Variants in RIBC2 observed in about 807,000 individuals in gnomAD.
The protein encoded by RIBC2 is RIB43A-like with coiled-coils protein 2.
A neutral mutation model predicts 44.3 loss-of-function variants in RIBC2; 40 were observed. The ratio of observed to expected loss-of-function variants is 0.90; its 90% confidence interval spans 0.70 to 1.18. The LOEUF (loss-of-function observed/expected upper bound fraction) is 1.18, where lower values mean the gene tolerates loss of function less well. Among genes scored for constraint, RIBC2 ranks in the 50% most tolerant of loss-of-function variants. The pLI, the probability that RIBC2 is intolerant of heterozygous loss-of-function variation, is 0.00. For synonymous variants in RIBC2, 171 were observed against 175.0 expected (o/e 0.98, Z 0.18); for missense variants, 459 against 485.5 (o/e 0.95, Z 0.51).
chr22:45,422,177 C>G (rs571061997), intron 3 of RIBC2, 113 bp from the exon 4 acceptor site: 1 of 739,390 alleles, frequency 1.4e-6, no homozygotes, highest in Non-Finnish European at 2.4e-6. Flanking sequence ...ATTATTGTTC[C>G]CGTCCTCATG....
In RIBC2 at chr22:45,422,331, G is replaced by C. The variant is rs2087493872; in HGVS notation, c.598G>C (p.Ala200Pro). 1 of 1,614,094 alleles carries C rather than the reference G, an allele frequency of 6.2e-7. No individual in the cohort carries two copies. The highest frequency in any genetic ancestry group is 1.3e-5 in the African/African-American group (1 of 74,934). Residue 200 changes from alanine (A) to proline (P), a missense_variant, in exon 4 of 7, where the codon GCC (alanine) becomes CCC (proline). Coordinates refer to ENST00000614167, the MANE Select transcript of RIBC2 (RefSeq NM_015653.5). ...GACAAGGCTGCAGTTTGACGAGACA[G>C]CCAAGCACCTCCAGAAGCTGGAAAG... ...TETRLQFDET[A>P]KHLQKLESTT... is the part of the protein sequence containing the mutation.
At position 45,421,545 on chromosome 22, in the gene RIBC2, TAATAATAATAATA is replaced by T. The variant is rs1569208883; in HGVS notation, c.557-744_557-732del. On this transcript the variant is annotated intron_variant, in intron 3 of 6. Transcript: ENST00000614167. The stretch of plus-strand genomic sequence containing the variant: ...ATAATAATAGTATTATTAATAATAT[TAATAATAATAATA>T]GTATTATTAATAATAGTATTATTAA... 9.7e-5 allele frequency among the ~76,000 whole-genome samples: 11 copies of T among 113,744 alleles called. No homozygotes were observed. The East Asian group carries it at 2.5e-3, about 26-fold the overall frequency. The allele number at this position is 113,744 out of a possible 152,430, so 74.6% of individuals were successfully genotyped here. A position where few individuals can be genotyped will look rare whatever the true frequency, so the allele number is the denominator to read the frequency against.
At chr22:45,421,577 TTATTAATAATAATAATAG>T (rs780823415) in intron 3 of RIBC2, among the ~76,000 whole-genome samples, 80,602 of 141,290 alleles carry the variant, frequency 0.57, 24,528 homozygotes, top group African/African-American at 0.76. Context: ...AATAATAGTA[TTATTAATAATAATAATAG>T]TATTATTAAT....
chr22:45,426,077 G>C lies in RIBC2; in HGVS notation c.805G>C (p.Gly269Arg). 1 of 1,613,920 alleles carries C rather than the reference G, an allele frequency of 6.2e-7. No individual in the cohort carries two copies. Among genetic ancestry groups the C allele is most frequent in the Non-Finnish European group, 8.5e-7 (1 of 1,179,968 alleles). The stretch of plus-strand genomic sequence containing the variant: ...CCCGCAGCAGGCAGCCAGCTCCTTC[G>C]GGCCCCACCGCGTGGTCCCTGACCG... ...ENPQQAASSFGPHRVVPDRWK... is the reference protein window; with the variant it reads ...ENPQQAASSFRPHRVVPDRWK... The change falls in exon 5 of 7, where the codon GGG (glycine) becomes CGG (arginine). Residue 269 changes from glycine to arginine, a missense_variant. By Grantham distance (125) the Gly-to-Arg change is moderately radical. Transcript: ENST00000614167.
intron 3 of RIBC2, among the ~76,000 whole-genome samples, chr22:45,421,320 TTAA>T (rs1052354805): frequency 2.4e-5 from 2 of 82,852 alleles, no homozygotes; most frequent in Non-Finnish European, 4.0e-5. Context: ...ATTATTATTA[TTAA>T]TACTATTATT....
rs145976708 is a variant in RIBC2 at position 45,422,350 on chromosome 22, T to A, written c.617T>A (p.Leu206Gln). The A allele has an allele frequency of 3.0e-4, 478 of 1,614,154 alleles. 1 individual carries two copies. In the African/African-American group the frequency reaches 5.5e-3, roughly 19 times the overall value. Residue 206 changes from leucine (L) to glutamine (Q), a missense_variant, in exon 4 of 7, where the codon CTG (leucine) becomes CAG (glutamine). Coordinates refer to ENST00000614167, the MANE Select transcript of RIBC2 (RefSeq NM_015653.5). Reference protein sequence around the residue: ...FDETAKHLQKLESTTRKAVCA... With the variant: ...FDETAKHLQKQESTTRKAVCA... The stretch of plus-strand genomic sequence containing the variant: ...GAGACAGCCAAGCACCTCCAGAAGC[T>A]GGAAAGCACCACCAGAAAGGCAGTT...
chr22:45,419,085 C>G (rs2087453136), intron 3 of RIBC2, among the ~76,000 whole-genome samples: 1 of 152,192 alleles, frequency 6.6e-6, no homozygotes, highest in East Asian at 1.9e-4. Context: ...TTGTTCACAC[C>G]AGTGCTCTCC....
intron 3 of RIBC2, among the ~76,000 whole-genome samples, chr22:45,421,079 C>T (rs1004866672): frequency 5.9e-5 from 9 of 151,834 alleles, no homozygotes; most frequent in East Asian, 1.9e-4. Flanking sequence ...GGGCAAATCA[C>T]GAGGTTAGGA....
chr22:45,432,318 C>T lies in RIBC2; in HGVS notation c.1105C>T (p.Pro369Ser). The part of the protein sequence containing the change: ...KYMNEVYTNQ[P>S]TGDYFTQFNT... ...TATGAATGAAGTCTATACAAATCAA[C>T]CCACGGGAGACTATTTCACACAATT... The change falls in exon 7 of 7, where the codon CCC becomes TCC. Residue 369 changes from proline to serine, a missense_variant. Physicochemically the swap from Pro to Ser is moderately conservative, Grantham distance 74. Transcript: ENST00000614167. The T allele has an allele frequency of 5.6e-6, 9 of 1,599,548 alleles. No homozygotes were observed. Among genetic ancestry groups the T allele is most frequent in the Non-Finnish European group, 7.7e-6 (9 of 1,168,956 alleles).
chr22:45,415,928 G>C (rs1310589862), intron 2 of RIBC2, among the ~76,000 whole-genome samples: 1 of 152,170 alleles, frequency 6.6e-6, no homozygotes, highest in African/African-American at 2.4e-5. Flanking sequence ...TCGAACTCCT[G>C]ACCTCAGGTG....
At position 45,432,360 on chromosome 22, in the gene RIBC2, T is replaced by C. The variant is rs760378657; in HGVS notation, c.1147T>C (p.Ter383GlnextTer1). The C allele has an allele frequency of 1.9e-5, 30 of 1,586,566 alleles. No individual in the cohort carries two copies. In the East Asian group the frequency reaches 6.5e-4, roughly 34 times the overall value. Residue 383 changes from the stop codon to glutamine (Q), a stop_lost, in exon 7 of 7, where the codon TAA becomes CAA. Transcript: ENST00000614167. The part of the protein sequence containing the change: ...YFTQFNTGSR[*>Q] ...CACACAATTTAATACAGGAAGTCGATAATGAGGAACACACCCTTGTTCCCG... is the reference window on the plus strand; with the variant it reads ...CACACAATTTAATACAGGAAGTCGACAATGAGGAACACACCCTTGTTCCCG...
chr22:45,417,792 T>C lies in RIBC2; in HGVS notation c.402T>C (p.Asn134=), dbSNP rs572264217. ...ATCTTCCAGCCCGGCAGTCAGATAA[T>C]GATGTTCGGAATACGATATCAGGAA... ...KKDLPARQSD[N]DVRNTISGMQ... is the part of the protein sequence containing the mutation. Residue 134 remains asparagine (N), a synonymous_variant, in exon 3 of 7, where the codon AAT becomes AAC. Transcript: ENST00000614167. The C allele has an allele frequency of 1.9e-6, 3 of 1,614,100 alleles. No individual in the cohort carries two copies. Among genetic ancestry groups the C allele is most frequent in the South Asian group, 2.2e-5 (2 of 91,078 alleles).
intron 2 of RIBC2, among the ~76,000 whole-genome samples, chr22:45,416,947 C>A (rs1171559022): frequency 6.8e-6 from 1 of 146,470 alleles, no homozygotes; most frequent in Non-Finnish European, 1.5e-5. Context: ...TGTAACCCAG[C>A]CTGGAATGCA....
chr22:45,418,911 G>T (rs763142520), intron 3 of RIBC2, among the ~76,000 whole-genome samples: 9 of 152,024 alleles, frequency 5.9e-5, no homozygotes, highest in Non-Finnish European at 7.4e-5. Flanking sequence ...CCTCCATGTC[G>T]CCCAATCCAA....
intron 5 of RIBC2, among the ~76,000 whole-genome samples, chr22:45,428,886 C>A (rs928689433): frequency 6.6e-6 from 1 of 152,162 alleles, no homozygotes; most frequent in Non-Finnish European, 1.5e-5. Context: ...GTCAGGGTGT[C>A]CCCCACCATG....
At position 45,430,963 on chromosome 22, in the gene RIBC2, C is replaced by T. The variant is rs147307749; in HGVS notation, c.967C>T (p.Arg323Cys). ...DWDRRRIQGA[R>C]ATLLFERQQW... ...GGACCGGCGGAGGATTCAGGGGGCTCGCGCCACCCTGCTGTTTGAGCGGCA... is the reference window on the plus strand; with the variant it reads ...GGACCGGCGGAGGATTCAGGGGGCTTGCGCCACCCTGCTGTTTGAGCGGCA... Residue 323 changes from arginine to cysteine, a missense_variant, in exon 6 of 7, where the codon CGC (arginine) becomes TGC (cysteine). Arg to Cys is a radical substitution (Grantham distance 180, BLOSUM62 -3). Coordinates refer to ENST00000614167, the MANE Select transcript of RIBC2 (RefSeq NM_015653.5). 1,792 of 1,608,828 alleles carry T rather than the reference C, an allele frequency of 1.1e-3. 20 individuals are homozygous for T. In the African/African-American group the frequency reaches 0.021, roughly 18 times the overall value.
At chr22:45,418,005 A>T in intron 3 of RIBC2, 59 bp downstream of exon 3, 2 of 871,962 alleles carry the variant, frequency 2.3e-6, no homozygotes, top group East Asian at 3.4e-5. Context: ...CCAACCCTAC[A>T]GTTTTTTTTT....
Position 45,414,400 on chromosome 22 carries a change from T to C in RIBC2, c.208T>C (p.Phe70Leu), listed in dbSNP as rs112418100. Residue 70 changes from phenylalanine (F) to leucine (L), a missense_variant, in exon 2 of 7, where the codon TTT becomes CTT. By Grantham distance (22) the Phe-to-Leu change is conservative (BLOSUM62 0). Coordinates refer to ENST00000614167, the MANE Select transcript of RIBC2 (RefSeq NM_015653.5). Reference sequence around the variant, plus strand: ...TACTGAAAAAGCTAGACATGAAACCTTTGGTGAGCATTTCCTGAATGCTTA... The same window carrying C: ...TACTGAAAAAGCTAGACATGAAACCCTTGGTGAGCATTTCCTGAATGCTTA... ...EATEKARHETFAAEMRQNDKI... is the reference protein window; with the variant it reads ...EATEKARHETLAAEMRQNDKI... 1 of 1,546,598 alleles carries C rather than the reference T, an allele frequency of 6.5e-7. No individual in the cohort carries two copies. Among genetic ancestry groups the C allele is most frequent in the Non-Finnish European group, 8.7e-7 (1 of 1,143,164 alleles).
At chr22:45,418,035 GTTT>G in intron 3 of RIBC2, 89 bp downstream of exon 3, 37 of 440,756 alleles carry the variant, frequency 8.4e-5, no homozygotes, top group East Asian at 1.4e-4. Context: ...CAACCCTACA[GTTT>G]TTTTTTTTTT....
Sources: gnomAD v4.1 joint callset for allele counts (sites outside exome capture counted in the v4.1 genomes callset) on GRCh38, gnomAD v4.1.1 for gene constraint, MANE v1.5 for transcripts, NCBI Gene and HGNC (gene_info 2026-07-23, HGNC 2026-07-21) for gene names.